The following MYH15 variants were observed in gnomAD, a reference collection of about 807,000 sequenced individuals.
MYH15 encodes myosin heavy chain 15.
MYH15 carries 227 observed loss-of-function variants against 240.5 expected under a neutral mutation model. The observed-to-expected ratio is 0.94, with a 90% confidence interval of 0.85 to 1.05. MYH15 has a LOEUF of 1.05. Ranked by LOEUF, MYH15 falls within the 50% of genes least tolerant of loss-of-function variation. MYH15 has a pLI of 0.00. For synonymous variants in MYH15, 785 were observed against 796.7 expected (o/e 0.99, Z 0.25); for missense variants, 2,217 against 2,247.5 (o/e 0.99, Z 0.27).
intron 28 of MYH15, among the ~76,000 whole-genome samples, chr3:108,419,679 A>C (rs1187224587): frequency 6.6e-6 from 1 of 152,220 alleles, no homozygotes; most frequent in Non-Finnish European, 1.5e-5. Context: ...AGAGTCCTTA[A>C]TAGAACCAAA....
chr3:108,441,180 C>T lies in MYH15; in HGVS notation c.2736G>A (p.Lys912=), dbSNP rs190408283. The T allele has an allele frequency of 6.1e-4, 992 of 1,614,142 alleles. 16 individuals are homozygous for T. In the Admixed American group the frequency reaches 0.016, roughly 25 times the overall value. The part of the protein sequence containing the change: ...KSKIQLEARV[K]ELSERVEEEE... ...CTTCCTCCACCCTCTCCGACAGCTCCTTTACTCTGGCCTCCAGCTGGATCT... is the reference window on the plus strand; with the variant it reads ...CTTCCTCCACCCTCTCCGACAGCTCTTTTACTCTGGCCTCCAGCTGGATCT... The change falls in exon 23 of 41, where the codon AAG becomes AAA. Residue 912 remains lysine, a synonymous_variant. Transcript: ENST00000693548.
chr3:108,493,614 C>T (rs1388215296), intron 7 of MYH15, among the ~76,000 whole-genome samples: 3 of 152,172 alleles, frequency 2.0e-5, no homozygotes, highest in African/African-American at 7.2e-5. Flanking sequence ...ACTGGAGATA[C>T]CGCACAAAAA....
upstream of MYH15, among the ~76,000 whole-genome samples, chr3:108,531,701 C>T (rs577312575): frequency 1.3e-5 from 2 of 151,650 alleles, no homozygotes; most frequent in African/African-American, 4.8e-5. Context: ...GGTGTGAACC[C>T]GGGAGGCAGA....
intron 38 of MYH15, among the ~76,000 whole-genome samples, chr3:108,388,582 C>CA (rs1266324376): frequency 2.0e-5 from 3 of 152,128 alleles, no homozygotes; most frequent in Non-Finnish European, 4.4e-5. Context: ...ATCAGCATCC[C>CA]ATGTAACCTG....
chr3:108,387,657 A>T (rs1332501309), intron 38 of MYH15, among the ~76,000 whole-genome samples: 1 of 152,228 alleles, frequency 6.6e-6, no homozygotes, highest in South Asian at 2.1e-4. Flanking sequence ...TGTCATCAAC[A>T]TGGGTGGCTT....
intron 30 of MYH15, 90 bp from the exon 31 acceptor site, chr3:108,411,022 T>C: frequency 1.8e-6 from 2 of 1,138,264 alleles, no homozygotes; most frequent in Non-Finnish European, 2.5e-6. Context: ...AGAGCTTGGG[T>C]GCAAAGTAAG....
Position 108,455,871 on chromosome 3 carries a change from T to C in MYH15, c.2139-12A>G. On this transcript the variant is annotated splice_polypyrimidine_tract_variant and intron_variant, in intron 19 of 40. Transcript: ENST00000693548. ...TCAGAATGCAGTACCTAATTTAAAA[T>C]AAAGAAAAAATCATGAGTTTGGGAA... 6.2e-7 allele frequency: 1 copy of C among 1,606,552 alleles called. No homozygotes were observed. The highest frequency in any genetic ancestry group is 1.7e-5 in the Admixed American group (1 of 59,492).
chr3:108,529,345 G>T (rs74745030), upstream of MYH15: 1,060 of 1,238,060 alleles, frequency 8.6e-4, 7 homozygotes, highest in East Asian at 0.017. Context: ...GATCCGATGA[G>T]AGAATGATAG....
chr3:108,460,371 G>GAA lies in MYH15; in HGVS notation c.1865-5_1865-4insTT. 7.0e-7 allele frequency: 1 copy of GAA among 1,434,074 alleles called. No individual in the cohort carries two copies. Among genetic ancestry groups the GAA allele is most frequent in the Non-Finnish European group, 9.1e-7 (1 of 1,095,838 alleles). The allele number at this position is 1,434,074 out of a possible 1,614,324, so 88.8% of individuals were successfully genotyped here. ...TTCTTCTCCCCAAATGGTATAGCTAGCAAAAAAAAAAAAAGAAAAAGATGA... is the reference window on the plus strand; with the variant it reads ...TTCTTCTCCCCAAATGGTATAGCTAGAACAAAAAAAAAAAAAGAAAAAGATGA... On this transcript the variant is annotated splice_polypyrimidine_tract_variant and splice_region_variant and intron_variant, in intron 16 of 40. Transcript: ENST00000693548.
chr3:108,430,884 T>C lies in MYH15; in HGVS notation c.3260A>G (p.Glu1087Gly). Residue 1087 changes from glutamate to glycine, a missense_variant, in exon 26 of 41, where the codon GAG becomes GGG. Physicochemically the swap from Glu to Gly is moderately conservative, Grantham distance 98. Coordinates refer to ENST00000693548, the MANE Select transcript of MYH15 (RefSeq NM_014981.3). ...CTGAGCTACCAGGCCTTTCTCATTCTCCACTTTTGAATTCATCTGACTCAA... is the reference window on the plus strand; with the variant it reads ...CTGAGCTACCAGGCCTTTCTCATTCCCCACTTTTGAATTCATCTGACTCAA... Reference protein sequence around the residue: ...LELSQMNSKVENEKGLVAQLQ... With the variant: ...LELSQMNSKVGNEKGLVAQLQ... 1 of 1,612,526 alleles carries C rather than the reference T, an allele frequency of 6.2e-7. No homozygotes were observed. Among genetic ancestry groups the C allele is most frequent in the African/African-American group, 1.3e-5 (1 of 75,066 alleles).
chr3:108,543,159 G>A, the MYH15 span, among the ~76,000 whole-genome samples: 1 of 152,140 alleles, frequency 6.6e-6, no homozygotes, highest in Non-Finnish European at 1.5e-5. Flanking sequence ...GGTTACAGGC[G>A]TGAGCCACCG....
chr3:108,478,921 T>C (rs760885034), intron 11 of MYH15, among the ~76,000 whole-genome samples: 16 of 152,192 alleles, frequency 1.1e-4, no homozygotes, highest in Non-Finnish European at 2.1e-4. Flanking sequence ...CAGGATTATT[T>C]GTCACTTACT....
intron 26 of MYH15, among the ~76,000 whole-genome samples, chr3:108,430,187 G>A (rs938141026): frequency 6.6e-6 from 1 of 152,124 alleles, no homozygotes; most frequent in Non-Finnish European, 1.5e-5. Context: ...ATATCAGAAA[G>A]ATGTTCCAAA....
At chr3:108,444,236 C>G (rs191682450) in intron 22 of MYH15, among the ~76,000 whole-genome samples, 10 of 151,826 alleles carry the variant, frequency 6.6e-5, no homozygotes, top group Admixed American at 2.0e-4. Flanking sequence ...GCAGGGAGAC[C>G]AAAATCAGGA....
chr3:108,517,243 C>T (rs976946029), intron 1 of MYH15, among the ~76,000 whole-genome samples: 1 of 152,158 alleles, frequency 6.6e-6, no homozygotes, highest in African/African-American at 2.4e-5. Flanking sequence ...TCAGAACTAC[C>T]TTCTCCTACA....
At chr3:108,443,488 T>A (rs957384224) in intron 22 of MYH15, among the ~76,000 whole-genome samples, 14 of 152,198 alleles carry the variant, frequency 9.2e-5, no homozygotes, top group Admixed American at 8.5e-4. Flanking sequence ...GAACACAGCA[T>A]TTTTCAACTT....
chr3:108,385,732 C>A (rs1176482096), intron 38 of MYH15, among the ~76,000 whole-genome samples: 1 of 152,278 alleles, frequency 6.6e-6, no homozygotes, highest in East Asian at 1.9e-4. Flanking sequence ...TGACCTATTC[C>A]ATCAAGTATG....
rs183081552 is a variant in MYH15, at chr3:108,484,636, G to A, written c.1114+455C>T. 1.5e-3 allele frequency among the ~76,000 whole-genome samples: 233 copies of A among 152,078 alleles called. 1 individual carries two copies. The highest frequency in any genetic ancestry group is 0.014 in the Middle Eastern group (4 of 294). Reference sequence around the variant, plus strand: ...TGGGATTATAGGCGTGCGCAACCACGCCTGGCCAATTTTTTGTATTTTTAG... The same window carrying A: ...TGGGATTATAGGCGTGCGCAACCACACCTGGCCAATTTTTTGTATTTTTAG... On this transcript the variant is annotated intron_variant, in intron 11 of 40. Transcript: ENST00000693548.
chr3:108,427,745 T>C (rs2082737897), intron 27 of MYH15, among the ~76,000 whole-genome samples: 1 of 152,160 alleles, frequency 6.6e-6, no homozygotes, highest in Non-Finnish European at 1.5e-5. Flanking sequence ...TCCATATCAC[T>C]GAAGATATTC....
Sources: allele counts gnomAD v4.1 joint callset (sites outside exome capture counted in the v4.1 genomes callset), GRCh38; gene constraint gnomAD v4.1.1; transcripts MANE v1.5; gene names NCBI Gene and HGNC (gene_info 2026-07-23, HGNC 2026-07-21).